Variants in TTC28 observed in about 807,000 individuals in gnomAD.
The protein encoded by TTC28 is tetratricopeptide repeat protein 28.
TTC28 carries 61 observed loss-of-function variants against 198.0 expected under a neutral mutation model. The observed-to-expected ratio is 0.31, with a 90% CI of 0.25 to 0.38. The LOEUF is 0.38. Ranked by LOEUF, TTC28 falls within the 10% of genes least tolerant of loss-of-function variation. The pLI is 1.00. For missense variants in TTC28, 2,678 were observed against 3,164.0 expected (o/e 0.85, Z 3.69); for synonymous variants, 1,171 against 1,297.8 (o/e 0.90, Z 2.10).
At chr22:28,200,301 A>G (rs1480816626) in intron 5 of TTC28, among the ~76,000 whole-genome samples, 1 of 152,128 alleles carries the variant, frequency 6.6e-6, no homozygotes, top group Non-Finnish European at 1.5e-5. Context: ...AAAAAATACA[A>G]ATTCTCAACA....
At chr22:28,572,228 G>C (rs546303980) in intron 2 of TTC28, among the ~76,000 whole-genome samples, 1 of 151,220 alleles carries the variant, frequency 6.6e-6, no homozygotes. Flanking sequence ...CAAAGTCCCA[G>C]TTACTGGGGA....
At chr22:28,197,879 A>T (rs71325275) in intron 5 of TTC28, among the ~76,000 whole-genome samples, 10,971 of 152,110 alleles carry the variant, frequency 0.072, 558 homozygotes, top group African/African-American at 0.13. Flanking sequence ...CAGAATATTT[A>T]AAAAACCCAT....
At chr22:28,525,724 G>C (rs2048992667) in intron 2 of TTC28, among the ~76,000 whole-genome samples, 1 of 152,072 alleles carries the variant, frequency 6.6e-6, no homozygotes, top group African/African-American at 2.4e-5. Flanking sequence ...ATTCATTCTT[G>C]TATTCTGAAA....
intron 5 of TTC28, among the ~76,000 whole-genome samples, chr22:28,290,859 C>T (rs1032601949): frequency 6.6e-6 from 1 of 152,046 alleles, no homozygotes; most frequent in Non-Finnish European, 1.5e-5. Context: ...CTGCAGTGAG[C>T]CATGATTGTA....
At chr22:28,379,386 T>C (rs1487189339) in intron 2 of TTC28, among the ~76,000 whole-genome samples, 4 of 152,168 alleles carry the variant, frequency 2.6e-5, no homozygotes, top group Admixed American at 6.5e-5. Flanking sequence ...CAAGTTTCTA[T>C]TGAAGAATAC....
At chr22:28,148,693 CTAG>C (rs1943536417) in intron 6 of TTC28, among the ~76,000 whole-genome samples, 1 of 151,062 alleles carries the variant, frequency 6.6e-6, no homozygotes, top group Non-Finnish European at 1.5e-5. Flanking sequence ...TTTCAGCTTT[CTAG>C]AGTATTAAAG....
intron 2 of TTC28, among the ~76,000 whole-genome samples, chr22:28,469,376 A>G (rs2048069252): frequency 6.6e-6 from 1 of 152,204 alleles, no homozygotes; most frequent in South Asian, 2.1e-4. Flanking sequence ...GGTAAACTAA[A>G]TAACAGCCCC....
At chr22:28,595,571 C>A (rs901318103) in intron 2 of TTC28, among the ~76,000 whole-genome samples, 6 of 152,138 alleles carry the variant, frequency 3.9e-5, no homozygotes, top group African/African-American at 1.4e-4. Flanking sequence ...CAGCACACAG[C>A]AAGACACAAC....
At chr22:28,462,488 T>C (rs1405825067) in intron 2 of TTC28, among the ~76,000 whole-genome samples, 1 of 152,174 alleles carries the variant, frequency 6.6e-6, no homozygotes, top group Non-Finnish European at 1.5e-5. Context: ...TCATTGAGAT[T>C]TGGGGATTGT....
At chr22:28,046,516 T>A (rs553665218) in intron 12 of TTC28, among the ~76,000 whole-genome samples, 29 of 152,356 alleles carry the variant, frequency 1.9e-4, no homozygotes, top group African/African-American at 7.0e-4. Context: ...CCATTGTGTA[T>A]GACATTGTTG....
At chr22:28,465,611 C>T (rs575148465) in intron 2 of TTC28, among the ~76,000 whole-genome samples, 3 of 149,636 alleles carry the variant, frequency 2.0e-5, no homozygotes, top group Admixed American at 1.3e-4. Context: ...GCAACAAGAG[C>T]GAAACTCCGT....
chr22:28,607,747 T>C (rs1298965881), intron 2 of TTC28, among the ~76,000 whole-genome samples: 1 of 152,186 alleles, frequency 6.6e-6, no homozygotes, highest in Non-Finnish European at 1.5e-5. Context: ...GTACCACCTA[T>C]AGCAGATGAT....
chr22:28,467,429 A>G (rs1198748371), intron 2 of TTC28, among the ~76,000 whole-genome samples: 1 of 152,186 alleles, frequency 6.6e-6, no homozygotes, highest in Non-Finnish European at 1.5e-5. Flanking sequence ...GTCTCAAAAA[A>G]ATACATATAC....
intron 5 of TTC28, among the ~76,000 whole-genome samples, chr22:28,238,641 T>C (rs1929431553): frequency 6.6e-6 from 1 of 152,212 alleles, no homozygotes; most frequent in African/African-American, 2.4e-5. Context: ...ACTTCTAAGA[T>C]ACAGCCTTTT....
intron 5 of TTC28, among the ~76,000 whole-genome samples, chr22:28,273,304 G>T (rs1464590437): frequency 6.6e-6 from 1 of 151,608 alleles, no homozygotes; most frequent in Non-Finnish European, 1.5e-5. Context: ...ATTAAGAGAA[G>T]AAATAGAAAA....
chr22:28,066,305 G>GT (rs1569117103), intron 12 of TTC28, among the ~76,000 whole-genome samples: 8,172 of 118,376 alleles, frequency 0.069, 289 homozygotes, highest in Non-Finnish European at 0.087. Context: ...TGTGTGTGTG[G>GT]TGTGTGTGTG....
chr22:28,483,922 T>C (rs1017013554), intron 2 of TTC28, among the ~76,000 whole-genome samples: 4 of 152,180 alleles, frequency 2.6e-5, no homozygotes, highest in Non-Finnish European at 5.9e-5. Flanking sequence ...ACAAAAGTAA[T>C]ATGAGTATAT....
intron 5 of TTC28, among the ~76,000 whole-genome samples, chr22:28,198,000 A>G (rs1925543488): frequency 6.6e-6 from 1 of 152,180 alleles, no homozygotes; most frequent in African/African-American, 2.4e-5. Context: ...TAAAAATTTC[A>G]CCATGATGAA....
At chr22:28,505,162 C>A (rs2048591356) in intron 2 of TTC28, among the ~76,000 whole-genome samples, 2 of 143,006 alleles carry the variant, frequency 1.4e-5, no homozygotes, top group Non-Finnish European at 3.0e-5. Flanking sequence ...GAGGGTGAGG[C>A]AGGAGAACTG....
Sources: allele counts gnomAD v4.1 joint callset (sites outside exome capture counted in the v4.1 genomes callset), GRCh38; gene constraint gnomAD v4.1.1; transcripts MANE v1.5; gene names NCBI Gene and HGNC (gene_info 2026-07-23, HGNC 2026-07-21).